GRID2: variants seen among roughly 807,000 people sequenced by gnomAD.
GRID2 encodes the protein glutamate ionotropic receptor delta type subunit 2.
GRID2 carries 33 observed loss-of-function variants against 114.8 expected under a neutral mutation model. That is an observed-to-expected ratio of 0.29 (90% CI 0.22 to 0.38). The LOEUF is 0.38. GRID2 is among the 10% of genes least tolerant of loss of function. GRID2 has a pLI of 1.00. For synonymous variants in GRID2, 505 were observed against 449.9 expected (o/e 1.12, Z -1.55); for missense variants, 1,184 against 1,257.7 (o/e 0.94, Z 0.89).
At chr4:93,022,802 A>G (rs1390800748) in intron 2 of GRID2, among the ~76,000 whole-genome samples, 1 of 152,018 alleles carries the variant, frequency 6.6e-6, no homozygotes, top group Non-Finnish European at 1.5e-5. Context: ...TTTACTTACT[A>G]ATGGTAAAAA....
At chr4:93,459,105 A>G (rs183391525) in intron 11 of GRID2, among the ~76,000 whole-genome samples, 1,756 of 142,206 alleles carry the variant, frequency 0.012, 18 homozygotes, top group Non-Finnish European at 0.02. Flanking sequence ...GCTTGAACCC[A>G]GGAGCGGGAG....
intron 1 of GRID2, among the ~76,000 whole-genome samples, chr4:92,455,480 T>G (rs1721164507): frequency 6.6e-6 from 1 of 152,072 alleles, no homozygotes; most frequent in Admixed American, 6.6e-5. Context: ...GTGAACCTAG[T>G]GTTGGGCCTG....
intron 1 of GRID2, among the ~76,000 whole-genome samples, chr4:92,565,503 C>A (rs1397716240): frequency 6.6e-6 from 1 of 151,950 alleles, no homozygotes; most frequent in Non-Finnish European, 1.5e-5. Context: ...TTCCCCTTAA[C>A]ACAATTTCTT....
At position 93,143,885 on chromosome 4, in the gene GRID2, T is replaced by C. The variant is rs571612712; in HGVS notation, c.735+32932T>C. ...TGCATATGAGCCATGTTCTAAGTGATTTTTTTTTCTATATAGATTTTAAGA... is the reference window on the plus strand; with the variant it reads ...TGCATATGAGCCATGTTCTAAGTGACTTTTTTTTCTATATAGATTTTAAGA... On this transcript the variant is annotated intron_variant, in intron 4 of 15. Coordinates refer to ENST00000282020, the MANE Select transcript of GRID2 (RefSeq NM_001510.4). 1.7e-4 allele frequency among the ~76,000 whole-genome samples: 26 copies of C among 151,572 alleles called. No individual in the cohort carries two copies. The South Asian group carries it at 5.2e-3, about 30-fold the overall frequency.
chr4:92,538,391 G>T (rs1199692741), intron 1 of GRID2, among the ~76,000 whole-genome samples: 1 of 152,090 alleles, frequency 6.6e-6, no homozygotes, highest in Non-Finnish European at 1.5e-5. Context: ...TCATCTATAT[G>T]ATCCTGTAAC....
intron 1 of GRID2, among the ~76,000 whole-genome samples, chr4:92,530,240 G>A (rs374008269): frequency 3.3e-5 from 5 of 151,862 alleles, no homozygotes; most frequent in African/African-American, 7.2e-5. Context: ...TGATGAATAC[G>A]GTAATCACAT....
chr4:93,583,552 A>G (rs1737202300), intron 13 of GRID2, among the ~76,000 whole-genome samples: 1 of 152,108 alleles, frequency 6.6e-6, no homozygotes. Context: ...ACAAACATCC[A>G]ATCCCCATAA....
intron 1 of GRID2, among the ~76,000 whole-genome samples, chr4:92,340,765 A>G (rs1212249060): frequency 6.6e-6 from 1 of 152,158 alleles, no homozygotes; most frequent in African/African-American, 2.4e-5. Context: ...TCACTACCAT[A>G]TTTATTATCA....
At chr4:92,538,808 A>G (rs1270656631) in intron 1 of GRID2, among the ~76,000 whole-genome samples, 1 of 152,136 alleles carries the variant, frequency 6.6e-6, no homozygotes. Flanking sequence ...GGTGAGTGTC[A>G]TTATTAAAAA....
intron 8 of GRID2, among the ~76,000 whole-genome samples, chr4:93,281,868 C>T (rs1752684404): frequency 6.6e-6 from 1 of 151,804 alleles, no homozygotes; most frequent in Non-Finnish European, 1.5e-5. Flanking sequence ...AAGTTACAAC[C>T]CTCTAGAAAA....
intron 13 of GRID2, among the ~76,000 whole-genome samples, chr4:93,602,844 C>T (rs571167993): frequency 6.6e-6 from 1 of 152,142 alleles, no homozygotes; most frequent in Non-Finnish European, 1.5e-5. Context: ...AGATGATTAG[C>T]CAAGTTAAAT....
At chr4:93,120,719 T>C (rs1030091184) in intron 4 of GRID2, among the ~76,000 whole-genome samples, 4 of 151,992 alleles carry the variant, frequency 2.6e-5, no homozygotes, top group African/African-American at 9.7e-5. Context: ...TTTGGGAGGC[T>C]GAGGCGGGTG....
intron 13 of GRID2, among the ~76,000 whole-genome samples, chr4:93,617,168 C>T (rs34589807): frequency 0.13 from 20,279 of 152,040 alleles, 1,709 homozygotes; most frequent in Non-Finnish European, 0.19. Flanking sequence ...AAGAGGCCAA[C>T]ACGTCTGTTA....
chr4:93,778,459 C>A (rs972914822), downstream of GRID2, among the ~76,000 whole-genome samples: 1 of 144,268 alleles, frequency 6.9e-6, no homozygotes, highest in Non-Finnish European at 1.5e-5. Flanking sequence ...TGCAGTGGCA[C>A]GATCTCGGCT....
intron 1 of GRID2, among the ~76,000 whole-genome samples, chr4:92,307,554 G>C (rs866616865): frequency 6.6e-6 from 1 of 151,822 alleles, no homozygotes; most frequent in Admixed American, 6.6e-5. Flanking sequence ...ACCTCATGCC[G>C]GTAGTTTAAT....
chr4:92,716,048 T>G (rs1735530791), intron 2 of GRID2, among the ~76,000 whole-genome samples: 1 of 152,216 alleles, frequency 6.6e-6, no homozygotes, highest in South Asian at 2.1e-4. Flanking sequence ...CTTCATTTAT[T>G]CCCTATTAAT....
intron 2 of GRID2, among the ~76,000 whole-genome samples, chr4:92,643,480 A>C (rs951666349): frequency 2.0e-5 from 3 of 151,850 alleles, no homozygotes; most frequent in Middle Eastern, 6.4e-3. Context: ...ACAACTTTTG[A>C]AAGTTTTCAG....
chr4:92,985,379 C>A (rs764070900), intron 2 of GRID2, among the ~76,000 whole-genome samples: 1 of 151,808 alleles, frequency 6.6e-6, no homozygotes, highest in Admixed American at 6.6e-5. Flanking sequence ...CGACTACAGG[C>A]GCCCGCCACC....
intron 14 of GRID2, among the ~76,000 whole-genome samples, chr4:93,644,566 A>T (rs982447756): frequency 1.3e-5 from 2 of 152,098 alleles, no homozygotes; most frequent in African/African-American, 4.8e-5. Flanking sequence ...AGTACTCCCT[A>T]AAAAAACCAT....
Sources: gnomAD v4.1 joint callset for allele counts (sites outside exome capture counted in the v4.1 genomes callset) on GRCh38, gnomAD v4.1.1 for gene constraint, MANE v1.5 for transcripts, NCBI Gene and HGNC (gene_info 2026-07-23, HGNC 2026-07-21) for gene names.